The following VPS53 variants were observed in gnomAD, a reference collection of about 807,000 sequenced individuals.
VPS53 encodes VPS53 subunit of GARP complex, also known as vacuolar protein sorting-associated protein 53 homolog.
VPS53 carries 70 observed loss-of-function variants against 107.0 expected under a neutral mutation model. That is an observed-to-expected ratio of 0.65 (90% CI 0.54 to 0.80). The LOEUF (loss-of-function observed/expected upper bound fraction) is 0.80, where lower values mean the gene tolerates loss of function less well. Among genes scored for constraint, VPS53 ranks in the 30% least tolerant of loss-of-function variants. The probability of loss-of-function intolerance (pLI) is 0.00; values close to 1 mark genes in which losing one functional copy is unlikely to be tolerated. For missense variants in VPS53, 917 were observed against 1,049.4 expected (o/e 0.87, Z 1.74); for synonymous variants, 409 against 393.3 (o/e 1.04, Z -0.47).
chr17:551,035 T>C (rs1911770960), intron 17 of VPS53, among the ~76,000 whole-genome samples: 1 of 152,142 alleles, frequency 6.6e-6, no homozygotes, highest in African/African-American at 2.4e-5. Context: ...CCAAGGTTTT[T>C]AGCATGTGTC....
At chr17:536,974 T>C (rs972437510) in intron 18 of VPS53, 54 bp downstream of exon 18, 21 of 1,600,838 alleles carry the variant, frequency 1.3e-5, no homozygotes, top group Non-Finnish European at 1.7e-5. Flanking sequence ...TTCTAAAACA[T>C]AAAGTCTATT....
At chr17:532,959 A>C in intron 18 of VPS53, 48 bp from the exon 19 acceptor site, 1 of 1,584,724 alleles carries the variant, frequency 6.3e-7, no homozygotes, top group Non-Finnish European at 8.6e-7. Context: ...TCTCTTGAGG[A>C]AAGAAATGCA....
intron 13 of VPS53, among the ~76,000 whole-genome samples, chr17:581,293 G>C (rs1967001588): frequency 6.6e-6 from 1 of 150,928 alleles, no homozygotes; most frequent in African/African-American, 2.4e-5. Flanking sequence ...GGACCTCAAT[G>C]CGTTCCCAGA....
intron 4 of VPS53, among the ~76,000 whole-genome samples, chr17:670,969 G>A (rs1006964361): frequency 1.3e-5 from 2 of 152,094 alleles, no homozygotes; most frequent in African/African-American, 4.8e-5. Flanking sequence ...AGTGGCTCAC[G>A]CCTGTAATCC....
chr17:572,396 C>T (rs1326199748), intron 13 of VPS53, among the ~76,000 whole-genome samples: 2 of 150,670 alleles, frequency 1.3e-5, no homozygotes, highest in African/African-American at 2.5e-5. Context: ...GCAGCCACCC[C>T]GTCCGGGAGG....
rs55982555 is a variant in VPS53, at chr17:618,729, G to A, written c.1116+4804C>T. Reference sequence around the variant, plus strand: ...GCCTGTTAATATTTCCTGGGTAGCTGGGACTACAGGCGTGCACCACCATGC... The same window carrying A: ...GCCTGTTAATATTTCCTGGGTAGCTAGGACTACAGGCGTGCACCACCATGC... On this transcript the variant is annotated intron_variant, in intron 11 of 21. Coordinates refer to ENST00000437048, the MANE Select transcript of VPS53 (RefSeq NM_001128159.3). 6.1e-4 allele frequency among the ~76,000 whole-genome samples: 93 copies of A among 151,294 alleles called. 1 individual carries two copies. The highest frequency in any genetic ancestry group is 2.2e-3 in the African/African-American group (89 of 40,806).
chr17:654,845 C>T (rs918124549), intron 6 of VPS53, among the ~76,000 whole-genome samples: 4 of 152,148 alleles, frequency 2.6e-5, no homozygotes, highest in Admixed American at 6.5e-5. Context: ...TACCACCGCC[C>T]AGTCTTACCA....
intron 19 of VPS53, among the ~76,000 whole-genome samples, chr17:529,399 C>CACACAA (rs1909361402): frequency 5.3e-5 from 1 of 18,852 alleles, no homozygotes; most frequent in Non-Finnish European, 8.1e-5. Context: ...CACACACACT[C>CACACAA]ACACACACAC....
intron 4 of VPS53, among the ~76,000 whole-genome samples, chr17:662,866 G>A (rs140148646): frequency 1.8e-3 from 207 of 115,330 alleles, no homozygotes; most frequent in Middle Eastern, 4.4e-3. Context: ...AGGAAGGAAG[G>A]AAGGAACGAA....
intron 12 of VPS53, among the ~76,000 whole-genome samples, chr17:586,808 A>G (rs1284033387): frequency 1.3e-5 from 2 of 152,172 alleles, no homozygotes; most frequent in Non-Finnish European, 2.9e-5. Flanking sequence ...GACTACTACT[A>G]TTTTACACCT....
intron 11 of VPS53, among the ~76,000 whole-genome samples, chr17:615,830 G>A (rs1969110413): frequency 6.6e-6 from 1 of 152,212 alleles, no homozygotes; most frequent in Non-Finnish European, 1.5e-5. Context: ...CTAGACTGGG[G>A]GTCAGGACAG....
intron 7 of VPS53, among the ~76,000 whole-genome samples, chr17:648,745 T>C (rs112649591): frequency 3.0e-5 from 2 of 66,096 alleles, no homozygotes; most frequent in African/African-American, 1.2e-4. Context: ...TCTTACACTA[T>C]AGGACAGAGG....
intron 7 of VPS53, among the ~76,000 whole-genome samples, chr17:638,250 T>C (rs982848727): frequency 6.6e-5 from 10 of 152,176 alleles, no homozygotes; most frequent in Admixed American, 1.3e-4. Flanking sequence ...CTGCCTTTTT[T>C]TGTTTTCCAT....
At chr17:609,162 C>T (rs572657679) in intron 11 of VPS53, among the ~76,000 whole-genome samples, 1 of 152,262 alleles carries the variant, frequency 6.6e-6, no homozygotes, top group Non-Finnish European at 1.5e-5. Context: ...TACTGGGAAG[C>T]TGTTACTTCC....
intron 4 of VPS53, 49 bp downstream of exon 4, chr17:697,369 C>T (rs752289904): frequency 1.2e-5 from 18 of 1,493,302 alleles, no homozygotes; most frequent in Admixed American, 3.4e-5. Flanking sequence ...ATCTGGTTGC[C>T]GGGAGAAACC....
chr17:629,334 CG>C (rs1270999726), intron 8 of VPS53, among the ~76,000 whole-genome samples: 2 of 152,094 alleles, frequency 1.3e-5, no homozygotes, highest in African/African-American at 4.8e-5. Context: ...TATGGGTTCA[CG>C]GGTTCAGATT....
At chr17:686,548 A>G (rs1397599473) in intron 4 of VPS53, among the ~76,000 whole-genome samples, 1 of 152,238 alleles carries the variant, frequency 6.6e-6, no homozygotes, top group African/African-American at 2.4e-5. Context: ...TTGCCACAGC[A>G]GATATTCTGG....
At chr17:652,003 G>T (rs1036264731) in intron 7 of VPS53, among the ~76,000 whole-genome samples, 1 of 150,588 alleles carries the variant, frequency 6.6e-6, no homozygotes, top group African/African-American at 2.5e-5. Context: ...GTGGTTCACT[G>T]TATTTTTTTT....
intron 11 of VPS53, among the ~76,000 whole-genome samples, chr17:606,180 A>T (rs950473890): frequency 1.5e-4 from 23 of 152,100 alleles, no homozygotes; most frequent in Non-Finnish European, 3.1e-4. Context: ...TGAGAGAGTG[A>T]GAACGAGGGT....
Sources: allele counts gnomAD v4.1 joint callset (sites outside exome capture counted in the v4.1 genomes callset), GRCh38; gene constraint gnomAD v4.1.1; transcripts MANE v1.5; gene names NCBI Gene and HGNC (gene_info 2026-07-23, HGNC 2026-07-21).